Variants in DNAH2 observed in about 807,000 individuals in gnomAD.
DNAH2 encodes the protein axonemal beta dynein heavy chain 2.
In DNAH2, 323 loss-of-function variants were observed where a neutral mutation model predicts 523.5. The observed-to-expected ratio is 0.62, with a 90% CI of 0.56 to 0.68. The LOEUF (loss-of-function observed/expected upper bound fraction) is 0.68. Among genes scored for constraint, DNAH2 ranks in the 30% least tolerant of loss-of-function variants. The probability of loss-of-function intolerance (pLI) is 0.00; values close to 1 mark genes in which losing one functional copy is unlikely to be tolerated. For synonymous variants in DNAH2, 2,093 were observed against 2,177.4 expected (o/e 0.96, Z 1.08); for missense variants, 4,907 against 5,701.5 (o/e 0.86, Z 4.49).
At position 7,798,107 on chromosome 17, in the gene DNAH2, C is replaced by T. The variant is rs544470641; in HGVS notation, c.8231-50C>T. 9 of 1,534,474 alleles carry T rather than the reference C, an allele frequency of 5.9e-6. No individual in the cohort carries two copies. The South Asian group carries it at 1.0e-4, about 17-fold the overall frequency. On this transcript the variant is annotated intron_variant, in intron 53 of 85. Coordinates refer to ENST00000572933, the MANE Select transcript of DNAH2 (RefSeq NM_020877.5). This position sits in a 1 kb window ranked among gnomAD's most constrained non-coding sequence, Gnocchi z 5.5. ...TCCCTAGCCTAGGGCCTGGAGGTCC[C>T]CTGAGTTTGCTCAGCCAACTCATTA...
At chr17:7,806,605 G>A (rs994319415) in intron 61 of DNAH2, among the ~76,000 whole-genome samples, 2 of 141,958 alleles carry the variant, frequency 1.4e-5, no homozygotes, top group African/African-American at 5.3e-5. Flanking sequence ...CTTGCAGTGA[G>A]CCGAGATTGC....
intron 11 of DNAH2, among the ~76,000 whole-genome samples, chr17:7,742,422 C>T (rs2075380122): frequency 6.6e-6 from 1 of 152,154 alleles, no homozygotes; most frequent in Admixed American, 6.5e-5. Flanking sequence ...TGGAGAGAGA[C>T]TCTGTCACAA....
intron 72 of DNAH2, 40 bp downstream of exon 72, chr17:7,819,448 A>G: frequency 6.2e-7 from 1 of 1,611,006 alleles, no homozygotes. Context: ...CCGGAGGCCG[A>G]GTGGCTGTGG....
At chr17:7,775,117 C>T in intron 29 of DNAH2, 124 bp from the exon 30 acceptor site, 2 of 1,272,690 alleles carry the variant, frequency 1.6e-6, no homozygotes, top group East Asian at 2.4e-5. Flanking sequence ...GATAGAACTT[C>T]TTAGAATTGG....
rs559244379 is a variant in DNAH2, at chr17:7,757,014, C to T, written c.1905-77C>T. On this transcript the variant is annotated intron_variant, in intron 12 of 85. Transcript: ENST00000572933. ...TCGACATTTCCCTGTGCTTCCCAGC[C>T]TCTCCACCTGTTCGATTGTTGCTCT... 3 of 1,589,214 alleles carry T rather than the reference C, an allele frequency of 1.9e-6. No individual in the cohort carries two copies. The African/African-American group carries it at 4.0e-5, about 21-fold the overall frequency.
In DNAH2 at chr17:7,795,406, C is replaced by T. The variant is rs149141129; in HGVS notation, c.7674+1048C>T. 1.1e-4 allele frequency among the ~76,000 whole-genome samples: 16 copies of T among 151,996 alleles called. No homozygotes were observed. The East Asian group carries it at 3.1e-3, about 29-fold the overall frequency. ...ATACTGTGTTGGCCAGGCACGGTGG[C>T]TCCCAGCTGTAATCCCAGTACCTTA... On this transcript the variant is annotated intron_variant, in intron 49 of 85. Coordinates refer to ENST00000572933, the MANE Select transcript of DNAH2 (RefSeq NM_020877.5).
chr17:7,787,117 T>C (rs2076762115), intron 42 of DNAH2, 84 bp downstream of exon 42: 1 of 1,540,738 alleles, frequency 6.5e-7, no homozygotes, highest in Non-Finnish European at 8.8e-7. Flanking sequence ...GAGCCAGAAA[T>C]CTCAGAGCAG....
intron 36 of DNAH2, among the ~76,000 whole-genome samples, chr17:7,779,724 C>T (rs1220465007): frequency 6.6e-6 from 1 of 152,166 alleles, no homozygotes; most frequent in Non-Finnish European, 1.5e-5. Flanking sequence ...GTCTCTCTGC[C>T]ATCTCTTTTG....
intron 39 of DNAH2, among the ~76,000 whole-genome samples, chr17:7,785,690 A>G (rs2076714515): frequency 6.6e-6 from 1 of 152,234 alleles, no homozygotes; most frequent in Non-Finnish European, 1.5e-5. Flanking sequence ...TTTACTATTA[A>G]ACGGGCTCTT....
intron 63 of DNAH2, among the ~76,000 whole-genome samples, chr17:7,812,812 G>A (rs9303222): frequency 0.83 from 118,168 of 142,136 alleles, 50,584 homozygotes; most frequent in Non-Finnish European, 0.94. Flanking sequence ...GCGTGGTGGT[G>A]GGCACCTGTA....
At position 7,786,633 on chromosome 17, in the gene DNAH2, A is replaced by C. The variant is rs755557979; in HGVS notation, c.6412A>C (p.Thr2138Pro). 1 of 1,614,124 alleles carries C rather than the reference A, an allele frequency of 6.2e-7. No individual in the cohort carries two copies. Residue 2138 changes from threonine (T) to proline (P), a missense_variant, in exon 41 of 86, where the codon ACC becomes CCC. This residue lies in a region of DNAH2 where 2,806 missense variants were observed against 3,190.8 expected (regional missense o/e 0.88). Coordinates refer to ENST00000572933, the MANE Select transcript of DNAH2 (RefSeq NM_020877.5). The surrounding 1 kb of genome is among the most constrained non-coding windows in gnomAD (Gnocchi z 7.5). ...GELYGEYDLSTNEWTDGILSS... is the reference protein window; with the variant it reads ...GELYGEYDLSPNEWTDGILSS... ...ACTGTATGGGGAATATGACCTCAGC[A>C]CCAATGAATGGACAGATGGCATCTT...
rs993171606 is a variant in DNAH2, at chr17:7,740,671, T to C, written c.1506+122T>C. On this transcript the variant is annotated intron_variant, in intron 10 of 85. Transcript: ENST00000572933. ...CCATGTCCAGCATTCGGGCGCCTCT[T>C]GTCTTTCTTCTGTTCCCTGGCTTCG... The C allele has an allele frequency of 3.9e-6, 6 of 1,539,082 alleles. No individual in the cohort carries two copies. The African/African-American group carries it at 8.2e-5, about 21-fold the overall frequency.
At chr17:7,726,702 G>A (rs1377799299) in intron 3 of DNAH2, among the ~76,000 whole-genome samples, 3 of 151,952 alleles carry the variant, frequency 2.0e-5, no homozygotes, top group Admixed American at 6.6e-5. Context: ...GGACTCCATC[G>A]TGAAGAAATT....
At chr17:7,797,573 A>G in intron 52 of DNAH2, 43 bp downstream of exon 52, 2 of 1,614,042 alleles carry the variant, frequency 1.2e-6, no homozygotes, top group Non-Finnish European at 1.7e-6. Flanking sequence ...ACACTCTTAG[A>G]ACATCGGGGC....
Position 7,759,733 on chromosome 17 carries a change from G to C in DNAH2, c.2638-58G>C, listed in dbSNP as rs139843129. The C allele has an allele frequency of 8.6e-4, 1,390 of 1,610,550 alleles. 20 individuals are homozygous for C. In the East Asian group the frequency reaches 0.027, roughly 31 times the overall value. On this transcript the variant is annotated intron_variant, in intron 16 of 85. Coordinates refer to ENST00000572933, the MANE Select transcript of DNAH2 (RefSeq NM_020877.5). ...TATGGCCTTCAGACCTGCTGCTGAAGTGTGTGACCTTCCCAGTCCTAAGGC... is the reference window on the plus strand; with the variant it reads ...TATGGCCTTCAGACCTGCTGCTGAACTGTGTGACCTTCCCAGTCCTAAGGC...
chr17:7,727,861 G>A (rs576663344), intron 4 of DNAH2, among the ~76,000 whole-genome samples: 3 of 152,076 alleles, frequency 2.0e-5, no homozygotes, highest in Non-Finnish European at 4.4e-5. Flanking sequence ...AAGCTTTATA[G>A]GAGCGTTATG....
chr17:7,804,419 C>G lies in DNAH2; in HGVS notation c.9136C>G (p.Leu3046Val). Residue 3046 changes from leucine (L) to valine (V), a missense_variant, in exon 59 of 86, where the codon CTG becomes GTG. Physicochemically the swap from Leu to Val is conservative, Grantham distance 32. This residue lies in a region of DNAH2 where 1,851 missense variants were observed against 2,139.4 expected (regional missense o/e 0.87). Transcript: ENST00000572933. ...AEFQKQCEEY[L>V]VIIVQQKREA... ...GTTCCAGAAGCAGTGTGAGGAGTACCTGGTCATCATTGTGCAGCAGAAGCG... is the reference window on the plus strand; with the variant it reads ...GTTCCAGAAGCAGTGTGAGGAGTACGTGGTCATCATTGTGCAGCAGAAGCG... 6.2e-7 allele frequency: 1 copy of G among 1,614,096 alleles called. No individual in the cohort carries two copies. Among genetic ancestry groups the G allele is most frequent in the Non-Finnish European group, 8.5e-7 (1 of 1,180,026 alleles).
At position 7,817,816 on chromosome 17, in the gene DNAH2, C is replaced by A; in HGVS notation, c.10196C>A (p.Ala3399Asp). Residue 3399 changes from alanine (A) to aspartate (D), a missense_variant, in exon 67 of 86, where the codon GCC becomes GAC. Ala to Asp is a moderately radical substitution (Grantham distance 126). Transcript: ENST00000572933. ...NRWALMIDPQ[A>D]QALKWIKNME... ...TGGGCACTGATGATCGACCCTCAGG[C>A]CCAGGCCCTGAAATGGATTAAGAAC... 1 of 1,614,082 alleles carries A rather than the reference C, an allele frequency of 6.2e-7. No homozygotes were observed. The highest frequency in any genetic ancestry group is 8.5e-7 in the Non-Finnish European group (1 of 1,180,016).
In DNAH2 at chr17:7,807,096, A is replaced by T. The variant is rs1252512038; in HGVS notation, c.9443-54A>T. 2 of 1,571,910 alleles carry T rather than the reference A, an allele frequency of 1.3e-6. No homozygotes were observed. Among genetic ancestry groups the T allele is most frequent in the African/African-American group, 2.7e-5 (2 of 74,172 alleles). ...TGAGTAGTGGAGGTGAAACTGCTGG[A>T]CAAGGAGGATGGCATTAAGCCTCTG... is the stretch of plus-strand genomic sequence containing the variant. On this transcript the variant is annotated intron_variant, in intron 61 of 85. Transcript: ENST00000572933. The surrounding 1 kb of genome is among the most constrained non-coding windows in gnomAD (Gnocchi z 5.6).
Sources: allele counts gnomAD v4.1 joint callset (sites outside exome capture counted in the v4.1 genomes callset), GRCh38; gene constraint gnomAD v4.1.1; regional missense constraint gnomAD v4.1.1; non-coding constraint Gnocchi (gnomAD v3.1); transcripts MANE v1.5; gene names NCBI Gene and HGNC (gene_info 2026-07-23, HGNC 2026-07-21).